The following ARHGAP29 variants were observed in gnomAD, a reference collection of about 807,000 sequenced individuals.
ARHGAP29 encodes the protein rho GTPase-activating protein 29.
In ARHGAP29, 43 loss-of-function variants were observed where a neutral mutation model predicts 122.6. The observed-to-expected ratio is 0.35, with a 90% CI of 0.27 to 0.45. The LOEUF (loss-of-function observed/expected upper bound fraction) is 0.45, where lower values mean the gene tolerates loss of function less well. Ranked by LOEUF, ARHGAP29 falls within the 20% of genes least tolerant of loss-of-function variation. The probability of loss-of-function intolerance (pLI) is 1.00; values close to 1 mark genes in which losing one functional copy is unlikely to be tolerated. For missense variants in ARHGAP29, 1,303 were observed against 1,477.2 expected, an observed-to-expected ratio of 0.88 and a Z score of 1.93; for synonymous variants, 506 against 497.1, an observed-to-expected ratio of 1.02 and a Z score of -0.24.
intron 2 of ARHGAP29, among the ~76,000 whole-genome samples, chr1:94,230,590 A>C (rs1474405464): frequency 6.6e-6 from 1 of 151,828 alleles, no homozygotes; most frequent in African/African-American, 2.4e-5. Context: ...ATATATACAT[A>C]GAAATATTTA....
At chr1:94,176,145 A>G (rs1207486015) in intron 22 of ARHGAP29, among the ~76,000 whole-genome samples, 2 of 152,198 alleles carry the variant, frequency 1.3e-5, no homozygotes, top group African/African-American at 2.4e-5. Context: ...AATGGAGAAG[A>G]GCACAGACTC....
At chr1:94,222,243 T>G (rs1205261975) in intron 2 of ARHGAP29, among the ~76,000 whole-genome samples, 1 of 152,216 alleles carries the variant, frequency 6.6e-6, no homozygotes, top group African/African-American at 2.4e-5. Context: ...TGCAAATACT[T>G]TGCTCTCAAG....
At chr1:94,235,262 T>C (rs1005495147) in intron 1 of ARHGAP29, among the ~76,000 whole-genome samples, 1 of 152,208 alleles carries the variant, frequency 6.6e-6, no homozygotes, top group African/African-American at 2.4e-5. Context: ...AAATGAACTA[T>C]GATAATGAGA....
At position 94,170,509 on chromosome 1, in the gene ARHGAP29, A is replaced by C. The variant is rs1196721355; in HGVS notation, c.*3360T>G. Among the ~76,000 whole-genome samples the C allele has an allele frequency of 6.6e-6, 1 of 152,188 alleles. No individual in the cohort carries two copies. On this transcript the variant is annotated 3_prime_UTR_variant, in exon 23 of 23. Coordinates refer to ENST00000260526, the MANE Select transcript of ARHGAP29 (RefSeq NM_004815.4). ...TGGGATGCTGAAACACAGGAACATT[A>C]CTGAGGCAATCAAAATCAGCAGATT...
At chr1:94,273,299 A>G (rs1384999374) in intron 1 of ARHGAP29, among the ~76,000 whole-genome samples, 1 of 152,258 alleles carries the variant, frequency 6.6e-6, no homozygotes, top group African/African-American at 2.4e-5. Flanking sequence ...TGCACGAGCT[A>G]GTCTGCAGTA....
intron 22 of ARHGAP29, chr1:94,176,863 T>A (rs1649124935): frequency 6.6e-6 from 1 of 152,308 alleles, no homozygotes; most frequent in Non-Finnish European, 1.5e-5. Context: ...CGCCTTGGCC[T>A]CTCAAAGTGC....
the ARHGAP29 span, among the ~76,000 whole-genome samples, chr1:94,281,937 G>A: frequency 2.0e-5 from 3 of 152,148 alleles, no homozygotes; most frequent in African/African-American, 4.8e-5. Context: ...GCACTCCTCA[G>A]TATCTACCAC....
chr1:94,177,895 T>A lies in ARHGAP29; in HGVS notation c.2753A>T (p.Asp918Val), dbSNP rs777377988. Residue 918 changes from aspartate to valine, a missense_variant, in exon 21 of 23, where the codon GAC (aspartate) becomes GTC (valine). This residue lies in a region of ARHGAP29 where 620 missense variants were observed against 651.2 expected (regional missense o/e 0.95). Transcript: ENST00000260526. ...PKPLLSPEER[D>V]IERSMKSLFF... ...TAGTGACTTCATGGAACGTTCAATG[T>A]CTCTTTCTTCTGGTGATAACAGAGG... The A allele has an allele frequency of 1.2e-6, 2 of 1,613,734 alleles. No homozygotes were observed. The highest frequency in any genetic ancestry group is 1.7e-6 in the Non-Finnish European group (2 of 1,179,952).
intron 1 of ARHGAP29, among the ~76,000 whole-genome samples, chr1:94,262,866 C>T (rs963093977): frequency 6.6e-6 from 1 of 152,142 alleles, no homozygotes; most frequent in Non-Finnish European, 1.5e-5. Flanking sequence ...ACAGAACTAC[C>T]ATTCAACCCA....
At chr1:94,207,479 T>C (rs1651278025) in intron 5 of ARHGAP29, among the ~76,000 whole-genome samples, 1 of 152,144 alleles carries the variant, frequency 6.6e-6, no homozygotes, top group African/African-American at 2.4e-5. Flanking sequence ...TAGTATAATA[T>C]GTATGCACAA....
chr1:94,303,028 G>GC, the ARHGAP29 span: 1 of 162,888 alleles, frequency 6.1e-6, no homozygotes, highest in African/African-American at 2.4e-5. Flanking sequence ...AGAAGTAAGA[G>GC]CCCCCAGACC....
chr1:94,232,861 G>T (rs1653010137), intron 1 of ARHGAP29, among the ~76,000 whole-genome samples: 1 of 150,520 alleles, frequency 6.6e-6, no homozygotes, highest in Non-Finnish European at 1.5e-5. Flanking sequence ...ATTTTGTCTT[G>T]AATATTTGGC....
intron 3 of ARHGAP29, among the ~76,000 whole-genome samples, chr1:94,215,993 A>G (rs943080268): frequency 6.6e-6 from 1 of 152,182 alleles, no homozygotes; most frequent in African/African-American, 2.4e-5. Flanking sequence ...ACCTAGGCTG[A>G]TACCACTTTT....
At chr1:94,180,599 G>C (rs1315024854) in intron 19 of ARHGAP29, among the ~76,000 whole-genome samples, 1 of 152,174 alleles carries the variant, frequency 6.6e-6, no homozygotes, top group Non-Finnish European at 1.5e-5. Flanking sequence ...TCTGTGGTGA[G>C]TCAGAAGGTA....
At chr1:94,280,930 T>A in the ARHGAP29 span, among the ~76,000 whole-genome samples, 1 of 152,180 alleles carries the variant, frequency 6.6e-6, no homozygotes, top group Non-Finnish European at 1.5e-5. Flanking sequence ...AAGACTGACA[T>A]CCTCCCTTCC....
chr1:94,252,852 C>A (rs1463868386), intron 1 of ARHGAP29, among the ~76,000 whole-genome samples: 1 of 152,148 alleles, frequency 6.6e-6, no homozygotes, highest in South Asian at 2.1e-4. Flanking sequence ...CTCCCCTTAA[C>A]CTGTGTATTC....
Position 94,208,818 on chromosome 1 carries a change from C to A in ARHGAP29, c.510+14G>T, listed in dbSNP as rs954197371. Reference sequence around the variant, plus strand: ...AAACATTAAAGACTTTGCTTTCACACAAACTTAGCTTACCTTAGTTTCTCG... The same window carrying A: ...AAACATTAAAGACTTTGCTTTCACAAAAACTTAGCTTACCTTAGTTTCTCG... On this transcript the variant is annotated intron_variant, in intron 5 of 22. Coordinates refer to ENST00000260526, the MANE Select transcript of ARHGAP29 (RefSeq NM_004815.4). The A allele has an allele frequency of 1.2e-6, 2 of 1,611,994 alleles. No individual in the cohort carries two copies. The highest frequency in any genetic ancestry group is 1.7e-6 in the Non-Finnish European group (2 of 1,178,242).
chr1:94,223,300 C>T (rs1224247676), intron 2 of ARHGAP29, among the ~76,000 whole-genome samples: 3 of 152,036 alleles, frequency 2.0e-5, no homozygotes, highest in Non-Finnish European at 4.4e-5. Flanking sequence ...TTAGTTGAGG[C>T]AATACAGTAT....
intron 1 of ARHGAP29, among the ~76,000 whole-genome samples, chr1:94,236,623 C>T (rs1418828958): frequency 6.6e-6 from 1 of 152,098 alleles, no homozygotes; most frequent in African/African-American, 2.4e-5. Context: ...ACAAGAGGCT[C>T]GTCAGTCACG....
Sources: allele counts gnomAD v4.1 joint callset (sites outside exome capture counted in the v4.1 genomes callset), GRCh38; gene constraint gnomAD v4.1.1; regional missense constraint gnomAD v4.1.1; transcripts MANE v1.5; gene names NCBI Gene and HGNC (gene_info 2026-07-23, HGNC 2026-07-21).